Variants in ZNF410 observed in about 807,000 individuals in gnomAD.
ZNF410 encodes the protein zinc finger protein 410, also known as another partner for ARF 1.
Under a neutral mutation model 54.8 loss-of-function variants are expected in ZNF410, and 18 were observed. That is an observed-to-expected ratio of 0.33 (90% confidence interval 0.23 to 0.49). The LOEUF (loss-of-function observed/expected upper bound fraction) is 0.49, where lower values mean the gene tolerates loss of function less well. Ranked by LOEUF, ZNF410 falls within the 20% of genes least tolerant of loss-of-function variation. The pLI, the probability that ZNF410 is intolerant of heterozygous loss-of-function variation, is 0.99. For synonymous variants in ZNF410, 191 were observed against 207.3 expected (o/e 0.92, Z 0.68); for missense variants, 405 against 569.6 (o/e 0.71, Z 2.94).
intron 7 of ZNF410, among the ~76,000 whole-genome samples, chr14:73,908,582 C>T (rs1255067398): frequency 6.6e-6 from 1 of 152,122 alleles, no homozygotes; most frequent in African/African-American, 2.4e-5. Context: ...GAAAGCTCAG[C>T]TCCCATATTG....
At chr14:73,924,852 T>C in intron 11 of ZNF410, 1 of 330,696 alleles carries the variant, frequency 3.0e-6, no homozygotes, top group South Asian at 2.2e-5. Context: ...AATTTTTTTG[T>C]ATTTTTAGTA....
intron 10 of ZNF410, 97 bp downstream of exon 10, chr14:73,922,303 TTATGAGTAGCTGTGG>T (rs1395667529): frequency 7.7e-7 from 1 of 1,290,938 alleles, no homozygotes; most frequent in Non-Finnish European, 1.1e-6. Context: ...ATCTCATTTC[TTATGAGTAGCTGTGG>T]TATGAGTAGC....
In ZNF410 at chr14:73,905,071, C is replaced by T. The variant is rs774689608; in HGVS notation, c.901C>T (p.Arg301Cys). Residue 301 changes from arginine to cysteine, a missense_variant, in exon 7 of 12, where the codon CGC becomes TGC. Physicochemically the swap from Arg to Cys is radical, Grantham distance 180. This residue lies in a region of ZNF410 where 31 missense variants were observed against 85.5 expected (regional missense o/e 0.36). Transcript: ENST00000555044. ...TTAGNLKNHR[R>C]IHTGEKPFLC... is the part of the protein sequence containing the mutation. ...AGCTGGAAACCTGAAGAACCACCGGCGCATCCACACAGGTGTGTGCAGCAC... is the reference window on the plus strand; with the variant it reads ...AGCTGGAAACCTGAAGAACCACCGGTGCATCCACACAGGTGTGTGCAGCAC... 1.2e-6 allele frequency: 2 copies of T among 1,612,856 alleles called. No homozygotes were observed. The highest frequency in any genetic ancestry group is 1.7e-6 in the Non-Finnish European group (2 of 1,179,894).
intron 4 of ZNF410, among the ~76,000 whole-genome samples, 181 bp from the exon 5 acceptor site, chr14:73,897,890 T>A (rs2140298906): frequency 6.8e-6 from 1 of 147,392 alleles, no homozygotes; most frequent in African/African-American, 2.5e-5. Flanking sequence ...GAGAATCACT[T>A]GAACCTGGGA....
At chr14:73,923,562 T>C (rs376866514) in intron 11 of ZNF410, 40 bp downstream of exon 11, 1 of 1,587,984 alleles carries the variant, frequency 6.3e-7, no homozygotes, top group Non-Finnish European at 8.6e-7. Context: ...TGACAATTCA[T>C]GTGGGGAATG....
rs1198518923 is a variant in ZNF410, at chr14:73,898,391, A to G, written c.580+129A>G. On this transcript the variant is annotated intron_variant, in intron 5 of 11. Coordinates refer to ENST00000555044, the MANE Select transcript of ZNF410 (RefSeq NM_021188.3). ...AGAGCAGAAGGCTAGAAATCTGTAA[A>G]TTGTTTAAATTTTATTTTCTATAAA... The G allele has an allele frequency of 2.9e-6, 3 of 1,027,528 alleles. No homozygotes were observed. The African/African-American group carries it at 4.9e-5, about 17-fold the overall frequency. 63.7% of individuals were successfully genotyped at this position (1,027,528 alleles called of 1,614,324 possible).
chr14:73,894,871 G>C (rs1315265733), intron 3 of ZNF410, among the ~76,000 whole-genome samples: 6 of 152,152 alleles, frequency 3.9e-5, no homozygotes, highest in Admixed American at 3.3e-4. Flanking sequence ...AGTTAGAAAA[G>C]TTGAAGACAG....
In ZNF410 at chr14:73,901,405, A is replaced by G. The variant is rs368769420; in HGVS notation, c.581-2555A>G. On this transcript the variant is annotated intron_variant, in intron 5 of 11. Coordinates refer to ENST00000555044, the MANE Select transcript of ZNF410 (RefSeq NM_021188.3). ...GGCCAACATGATAGAACTCAAATAC[A>G]CTCTTTTCTGAGGGATTTTTTTTTT... 2.4e-4 allele frequency among the ~76,000 whole-genome samples: 34 copies of G among 140,884 alleles called. No individual in the cohort carries two copies. The East Asian group carries it at 2.9e-3, about 12-fold the overall frequency. 92.4% of individuals were successfully genotyped at this position (140,884 alleles called of 152,430 possible).
rs1393130038 is a variant in ZNF410, at chr14:73,932,131, C to T, written c.*590C>T. 2.5e-6 allele frequency: 1 copy of T among 407,032 alleles called. No individual in the cohort carries two copies. The highest frequency in any genetic ancestry group is 4.9e-6 in the Non-Finnish European group (1 of 202,826). The allele number at this position is 407,032 out of a possible 1,614,324, so 25.2% of individuals were successfully genotyped here. A position where few individuals can be genotyped will look rare whatever the true frequency, so the allele number is the denominator to read the frequency against. On this transcript the variant is annotated 3_prime_UTR_variant, in exon 12 of 12. Coordinates refer to ENST00000555044, the MANE Select transcript of ZNF410 (RefSeq NM_021188.3). ...GGCTGAGGTACTATCTTGTCCTATA[C>T]ACTTCTACTTGGTCACTTTGCTTTC...
chr14:73,927,614 T>G (rs2055852366), intron 11 of ZNF410, among the ~76,000 whole-genome samples: 1 of 152,180 alleles, frequency 6.6e-6, no homozygotes, highest in Non-Finnish European at 1.5e-5. Flanking sequence ...AAATGCCAGA[T>G]GTATGAAAAT....
intron 9 of ZNF410, among the ~76,000 whole-genome samples, chr14:73,921,659 T>C (rs992865142): frequency 1.3e-5 from 2 of 152,160 alleles, no homozygotes; most frequent in Non-Finnish European, 2.9e-5. Context: ...TATATTTTTG[T>C]AGAGACGGGG....
At chr14:73,916,655 G>A (rs1488805260) in intron 8 of ZNF410, 1 of 152,028 alleles carries the variant, frequency 6.6e-6, no homozygotes, top group East Asian at 1.9e-4. Context: ...CCACAGTCTG[G>A]GTGCCATGTG....
At chr14:73,900,266 TTTTA>T (rs1433053057) in intron 5 of ZNF410, among the ~76,000 whole-genome samples, 3 of 152,114 alleles carry the variant, frequency 2.0e-5, no homozygotes, top group African/African-American at 2.4e-5. Context: ...CCTAAAAGCC[TTTTA>T]TTTTTTTCTA....
chr14:73,926,430 TTTTG>T (rs2140330422), intron 11 of ZNF410, among the ~76,000 whole-genome samples: 1 of 151,780 alleles, frequency 6.6e-6, no homozygotes, highest in Non-Finnish European at 1.5e-5. Flanking sequence ...TTTTGTTTTG[TTTTG>T]TTTTTGTTTT....
At chr14:73,896,272 A>C in intron 3 of ZNF410, 44 bp from the exon 4 acceptor site, 75 of 1,495,056 alleles carry the variant, frequency 5.0e-5, no homozygotes, top group Middle Eastern at 1.9e-4. Flanking sequence ...GTGGGCTCCT[A>C]GAGATAGGTG....
intron 11 of ZNF410, among the ~76,000 whole-genome samples, chr14:73,926,228 T>G (rs1594768883): frequency 6.6e-6 from 1 of 152,328 alleles, no homozygotes; most frequent in East Asian, 1.9e-4. Context: ...CAAACAAAGA[T>G]AACAATAATT....
Position 73,892,082 on chromosome 14 carries a change from T to C in ZNF410, c.-94T>C, listed in dbSNP as rs189104598. 965 of 1,333,230 alleles carry C rather than the reference T, an allele frequency of 7.2e-4. 10 individuals carry two copies. The African/African-American group carries it at 0.012, about 16-fold the overall frequency. 82.6% of individuals were successfully genotyped at this position (1,333,230 alleles called of 1,614,324 possible). Reference sequence around the variant, plus strand: ...CTTACGGGAAGAGCATAGTATTTCCTAGAGGAATATGAACATAACAGGAAG... The same window carrying C: ...CTTACGGGAAGAGCATAGTATTTCCCAGAGGAATATGAACATAACAGGAAG... On this transcript the variant is annotated 5_prime_UTR_variant, in exon 2 of 12. Transcript: ENST00000555044.
chr14:73,896,322 C>T lies in ZNF410; in HGVS notation c.176C>T (p.Thr59Ile). The T allele has an allele frequency of 6.2e-7, 1 of 1,613,832 alleles. No homozygotes were observed. Among genetic ancestry groups the T allele is most frequent in the Non-Finnish European group, 8.5e-7 (1 of 1,179,804 alleles). Residue 59 changes from threonine to isoleucine, a missense_variant, in exon 4 of 12, where the codon ACT becomes ATT. Thr to Ile is a moderately conservative substitution (Grantham distance 89). This residue lies in a region of ZNF410 where 247 missense variants were observed against 342.8 expected (regional missense o/e 0.72). Coordinates refer to ENST00000555044, the MANE Select transcript of ZNF410 (RefSeq NM_021188.3). ...ECSRLMLPDD[T>I]TNHSNSSKEV... ...GGTATTTTCCCTTTACTAGATGATA[C>T]TACAAATCATTCTAACTCCTCCAAG...
intron 8 of ZNF410, among the ~76,000 whole-genome samples, chr14:73,918,534 A>T (rs531222377): frequency 6.6e-6 from 1 of 152,098 alleles, no homozygotes; most frequent in African/African-American, 2.4e-5. Flanking sequence ...TCATCATCCC[A>T]AAAAGGATCC....
Sources: allele counts gnomAD v4.1 joint callset (sites outside exome capture counted in the v4.1 genomes callset), GRCh38; gene constraint gnomAD v4.1.1; regional missense constraint gnomAD v4.1.1; transcripts MANE v1.5; gene names NCBI Gene and HGNC (gene_info 2026-07-23, HGNC 2026-07-21).